GLUD1: variants seen among roughly 807,000 people sequenced by gnomAD.
GLUD1 encodes the protein glutamate dehydrogenase 1, also known as glutamate dehydrogenase 1, mitochondrial.
Under a neutral mutation model 56.0 loss-of-function variants are expected in GLUD1, and 22 were observed. The ratio of observed to expected loss-of-function variants is 0.39; its 90% CI spans 0.28 to 0.56. GLUD1 has a LOEUF of 0.56. Among genes scored for constraint, GLUD1 ranks in the 20% least tolerant of loss-of-function variants. The pLI, the probability that GLUD1 is intolerant of heterozygous loss-of-function variation, is 0.58. For synonymous variants in GLUD1, 223 were observed against 269.9 expected (o/e 0.83, Z 1.70); for missense variants, 451 against 732.0 (o/e 0.62, Z 4.43).
At chr10:87,068,394 G>T (rs1846135002) in intron 4 of GLUD1, among the ~76,000 whole-genome samples, 1 of 152,174 alleles carries the variant, frequency 6.6e-6, no homozygotes, top group East Asian at 1.9e-4. Context: ...CTGTATGTTT[G>T]GAAGTTAGCT....
At chr10:87,059,611 G>T (rs1179849122) in intron 9 of GLUD1, among the ~76,000 whole-genome samples, 1 of 152,214 alleles carries the variant, frequency 6.6e-6, no homozygotes, top group Non-Finnish European at 1.5e-5. Flanking sequence ...ACTGTCCACA[G>T]GGCCTCTCAG....
chr10:87,089,799 GAA>G, intron 1 of GLUD1: 1 of 749,664 alleles, frequency 1.3e-6, no homozygotes, highest in Non-Finnish European at 1.6e-6. Flanking sequence ...CTGGAAAGGG[GAA>G]AATATTGATT....
intron 1 of GLUD1, among the ~76,000 whole-genome samples, chr10:87,093,661 G>C (rs1006889107): frequency 1.3e-5 from 2 of 152,168 alleles, no homozygotes; most frequent in African/African-American, 2.4e-5. Context: ...CAGGACGCCA[G>C]GTGTTTATTT....
chr10:87,082,717 G>T (rs1045795122), intron 1 of GLUD1, among the ~76,000 whole-genome samples: 1 of 152,054 alleles, frequency 6.6e-6, no homozygotes, highest in Non-Finnish European at 1.5e-5. Context: ...ATTGAGTACT[G>T]GGCTACCTAA....
At chr10:87,082,584 G>A (rs1841288506) in intron 1 of GLUD1, among the ~76,000 whole-genome samples, 1 of 152,228 alleles carries the variant, frequency 6.6e-6, no homozygotes. Flanking sequence ...ACAGAACAGG[G>A]ACAGGGAGGG....
rs751635683 is a variant in GLUD1, at chr10:87,094,370, C to T, written c.400G>A (p.Gly134Ser). Reference sequence around the variant, plus strand: ...TGCTGGCTGTGCTGGGCCCGGTAGCCTTCGATGACCTCCCAGGAGCCGTCG... The same window carrying T: ...TGCTGGCTGTGCTGGGCCCGGTAGCTTTCGATGACCTCCCAGGAGCCGTCG... ...RDDGSWEVIEGYRAQHSQHRT... is the reference protein window; with the variant it reads ...RDDGSWEVIESYRAQHSQHRT... The change falls in exon 1 of 13, where the codon GGC becomes AGC. Residue 134 changes from glycine to serine, a missense_variant. Coordinates refer to ENST00000277865, the MANE Select transcript of GLUD1 (RefSeq NM_005271.5). The surrounding 1 kb of genome is among the most constrained non-coding windows in gnomAD (Gnocchi z 6.6). 1.2e-6 allele frequency: 2 copies of T among 1,612,514 alleles called. No homozygotes were observed. The highest frequency in any genetic ancestry group is 1.7e-6 in the Non-Finnish European group (2 of 1,179,684).
rs372734813 is a variant in GLUD1 at position 87,075,845 on chromosome 10, C to T, written c.582+123G>A. On this transcript the variant is annotated intron_variant, in intron 3 of 12. Coordinates refer to ENST00000277865, the MANE Select transcript of GLUD1 (RefSeq NM_005271.5). ...AGGAGAACTGCTTGAACCCGGGAGGCGGAGGTTGCAGTGAGCCAAGATTGC... is the reference window on the plus strand; with the variant it reads ...AGGAGAACTGCTTGAACCCGGGAGGTGGAGGTTGCAGTGAGCCAAGATTGC... 9.5e-6 allele frequency: 7 copies of T among 734,380 alleles called. No individual in the cohort carries two copies. In the East Asian group the frequency reaches 1.0e-4, roughly 11 times the overall value. 45.5% of individuals were successfully genotyped at this position (734,380 alleles called of 1,614,324 possible).
intron 11 of GLUD1, among the ~76,000 whole-genome samples, chr10:87,053,923 T>G (rs1469225192): frequency 4.3e-5 from 4 of 92,670 alleles, no homozygotes; most frequent in African/African-American, 1.7e-4. Context: ...TCAGCAGCGT[T>G]TTAATTTTAC....
rs1845596424 is a variant in GLUD1, at chr10:87,050,300, G to C, written c.*1451C>G. On this transcript the variant is annotated 3_prime_UTR_variant, in exon 13 of 13. Coordinates refer to ENST00000277865, the MANE Select transcript of GLUD1 (RefSeq NM_005271.5). ...AGTTCGTTACTCGGGAAGTTTCTCT[G>C]AACGTGTAAAGCACCGAACAAAAAA... Among the ~76,000 whole-genome samples, 1 of 147,310 alleles carries C rather than the reference G, an allele frequency of 6.8e-6. No homozygotes were observed. The highest frequency in any genetic ancestry group is 6.9e-5 in the Admixed American group (1 of 14,424).
At chr10:87,093,643 T>C (rs889834134) in intron 1 of GLUD1, among the ~76,000 whole-genome samples, 3 of 152,212 alleles carry the variant, frequency 2.0e-5, no homozygotes, top group Admixed American at 2.0e-4. Flanking sequence ...AACCTGTAAA[T>C]TTACTGTCAG....
At chr10:87,055,942 C>T (rs1348839073) in intron 11 of GLUD1, among the ~76,000 whole-genome samples, 17 of 151,582 alleles carry the variant, frequency 1.1e-4, no homozygotes, top group Non-Finnish European at 1.8e-4. Flanking sequence ...GGTGAAACCC[C>T]GTCTGTACTA....
chr10:87,053,223 G>A, intron 12 of GLUD1, 119 bp downstream of exon 12: 1 of 748,078 alleles, frequency 1.3e-6, no homozygotes, highest in Non-Finnish European at 2.4e-6. Flanking sequence ...ACACACAAAT[G>A]AGGACCATTG....
chr10:87,094,271 G>C lies in GLUD1; in HGVS notation c.445+54C>G, dbSNP rs1001865820. On this transcript the variant is annotated intron_variant, in intron 1 of 12. Transcript: ENST00000277865. This position sits in a 1 kb window ranked among gnomAD's most constrained non-coding sequence, Gnocchi z 6.6. ...GCCCCGCACCGGCAGGAGGCCGGAG[G>C]GGAGGGCCGCAGGGGAGGCAGGGAG... 2 of 1,545,510 alleles carry C rather than the reference G, an allele frequency of 1.3e-6. No individual in the cohort carries two copies. The highest frequency in any genetic ancestry group is 1.2e-5 in the South Asian group (1 of 84,890).
chr10:87,060,466 G>T lies in GLUD1; in HGVS notation c.1197+222C>A, dbSNP rs1845901112. The T allele has an allele frequency of 4.6e-6, 3 of 655,772 alleles. No individual in the cohort carries two copies. The East Asian group carries it at 8.1e-5, about 18-fold the overall frequency. 40.6% of individuals were successfully genotyped at this position (655,772 alleles called of 1,614,324 possible). On this transcript the variant is annotated intron_variant, in intron 8 of 12. Transcript: ENST00000277865. ...TTGCTTGTTTTTTTTTTTTACAGGA[G>T]TGTCAGGCAGATGCGTTTGTTTTGG...
At chr10:87,080,544 C>T (rs1841198099) in intron 1 of GLUD1, among the ~76,000 whole-genome samples, 1 of 152,024 alleles carries the variant, frequency 6.6e-6, no homozygotes, top group African/African-American at 2.4e-5. Flanking sequence ...AGCGTCTCTG[C>T]CCGGCCGCCC....
chr10:87,060,999 A>G lies in GLUD1; in HGVS notation c.975T>C (p.Ala325=). 5.6e-6 allele frequency: 9 copies of G among 1,613,988 alleles called. No homozygotes were observed. The highest frequency in any genetic ancestry group is 7.6e-6 in the Non-Finnish European group (9 of 1,179,836). ...HSMRYLHRFG[A]KCIAVGESDG... is the part of the protein sequence containing the mutation. ...CAGACTCACCAACAGCAATACATTT[A>G]GCACCAAAACGATGTAAATATCTCA... The change falls in exon 7 of 13, where the codon GCT becomes GCC. Residue 325 remains alanine (A), a synonymous_variant. Coordinates refer to ENST00000277865, the MANE Select transcript of GLUD1 (RefSeq NM_005271.5).
intron 6 of GLUD1, among the ~76,000 whole-genome samples, chr10:87,061,940 C>T (rs1845947828): frequency 6.6e-6 from 1 of 151,272 alleles, no homozygotes; most frequent in African/African-American, 2.5e-5. Context: ...TGTACCACCA[C>T]ACCCTGCTAA....
At chr10:87,065,382 C>T (rs1846049606) in intron 5 of GLUD1, among the ~76,000 whole-genome samples, 1 of 151,544 alleles carries the variant, frequency 6.6e-6, no homozygotes, top group Admixed American at 6.6e-5. Flanking sequence ...GCTGGGATTA[C>T]AGGCGTGAGC....
chr10:87,077,767 T>C (rs1021845096), intron 1 of GLUD1, among the ~76,000 whole-genome samples: 1 of 151,942 alleles, frequency 6.6e-6, no homozygotes, highest in African/African-American at 2.4e-5. Context: ...GCACAGTGCT[T>C]GGGGCACTGG....
Sources: allele counts gnomAD v4.1 joint callset (sites outside exome capture counted in the v4.1 genomes callset), GRCh38; gene constraint gnomAD v4.1.1; non-coding constraint Gnocchi (gnomAD v3.1); transcripts MANE v1.5; gene names NCBI Gene and HGNC (gene_info 2026-07-23, HGNC 2026-07-21).